MTUS2: variants seen among roughly 807,000 people sequenced by gnomAD.
The protein encoded by MTUS2 is microtubule associated scaffold protein 2.
A neutral mutation model predicts 114.1 loss-of-function variants in MTUS2; 40 were observed. That is an observed-to-expected ratio of 0.35 (90% confidence interval 0.27 to 0.46). The LOEUF (loss-of-function observed/expected upper bound fraction) is 0.46. MTUS2 is among the 20% of genes least tolerant of loss of function. MTUS2 has a pLI of 1.00. For synonymous variants in MTUS2, 688 were observed against 672.0 expected (o/e 1.02, Z -0.37); for missense variants, 1,679 against 1,705.4 (o/e 0.98, Z 0.27).
At chr13:29,140,764 G>C (rs1566028899) in intron 5 of MTUS2, among the ~76,000 whole-genome samples, 2 of 152,166 alleles carry the variant, frequency 1.3e-5, no homozygotes, top group African/African-American at 2.4e-5. Context: ...CGTATTTTCA[G>C]GGAGCTCATC....
chr13:29,170,750 A>G (rs1208828713), intron 5 of MTUS2, among the ~76,000 whole-genome samples: 2 of 152,192 alleles, frequency 1.3e-5, no homozygotes, highest in African/African-American at 2.4e-5. Context: ...GAGAAATGCT[A>G]CCAACTCCAA....
chr13:29,206,157 A>G (rs1446155965), intron 5 of MTUS2, among the ~76,000 whole-genome samples: 1 of 152,140 alleles, frequency 6.6e-6, no homozygotes, highest in African/African-American at 2.4e-5. Context: ...CTTCCTGATG[A>G]TTAGTGATGA....
chr13:29,103,962 T>C (rs1187718204), intron 5 of MTUS2, among the ~76,000 whole-genome samples: 1 of 152,210 alleles, frequency 6.6e-6, no homozygotes, highest in East Asian at 1.9e-4. Context: ...CTACTGAGAC[T>C]CTTCCTTGCT....
chr13:29,010,492 A>G (rs1348729881), intron 2 of MTUS2, among the ~76,000 whole-genome samples: 2 of 151,924 alleles, frequency 1.3e-5, no homozygotes. Flanking sequence ...TTTCCTTGCC[A>G]CTTTCCTAAC....
intron 4 of MTUS2, among the ~76,000 whole-genome samples, chr13:29,091,108 C>T (rs1353898669): frequency 1.3e-5 from 2 of 152,022 alleles, no homozygotes; most frequent in Non-Finnish European, 2.9e-5. Context: ...GGGTCTGTAT[C>T]CTTCCTCTAT....
chr13:28,932,188 A>C (rs1014238555), intron 2 of MTUS2, among the ~76,000 whole-genome samples: 9 of 152,222 alleles, frequency 5.9e-5, no homozygotes, highest in Admixed American at 2.6e-4. Flanking sequence ...GAGAGGCAGC[A>C]CAGAGAGTGG....
intron 2 of MTUS2, among the ~76,000 whole-genome samples, chr13:28,876,628 C>A (rs1253053819): frequency 6.6e-6 from 1 of 152,172 alleles, no homozygotes; most frequent in Non-Finnish European, 1.5e-5. Context: ...CTTTGTGGGT[C>A]TTTGGCCTAG....
At chr13:29,068,398 G>A (rs1188237151) in intron 4 of MTUS2, among the ~76,000 whole-genome samples, 1 of 151,844 alleles carries the variant, frequency 6.6e-6, no homozygotes, top group African/African-American at 2.4e-5. Context: ...CAGAGAGTCA[G>A]CTTCAGTGGC....
At position 29,043,286 on chromosome 13, in the gene MTUS2, A is replaced by G. The variant is rs143531706; in HGVS notation, c.2446+9161A>G. Among the ~76,000 whole-genome samples the G allele has an allele frequency of 2.6e-3, 395 of 152,092 alleles. 1 individual carries two copies. Among genetic ancestry groups the G allele is most frequent in the African/African-American group, 9.1e-3 (377 of 41,514 alleles). ...TTGATTTCCAGTTTTATTCCACTGTAGTTTGAGAGAGTACTTGATATAATT... is the reference window on the plus strand; with the variant it reads ...TTGATTTCCAGTTTTATTCCACTGTGGTTTGAGAGAGTACTTGATATAATT... On this transcript the variant is annotated intron_variant, in intron 4 of 15. Coordinates refer to ENST00000612955, the MANE Select transcript of MTUS2 (RefSeq NM_001033602.4).
intron 6 of MTUS2, among the ~76,000 whole-genome samples, chr13:29,322,129 A>C (rs1300057582): frequency 1.3e-5 from 2 of 152,212 alleles, no homozygotes; most frequent in African/African-American, 2.4e-5. Context: ...TTTTTGATAA[A>C]ATTCAAATTG....
chr13:29,281,680 T>G, intron 5 of MTUS2, 24 bp from the exon 6 acceptor site: 1 of 1,573,956 alleles, frequency 6.4e-7, no homozygotes, highest in Non-Finnish European at 8.6e-7. Context: ...AAGTTATAAT[T>G]AACACGCTGT....
At chr13:29,190,389 C>T (rs1894397788) in intron 5 of MTUS2, among the ~76,000 whole-genome samples, 1 of 152,172 alleles carries the variant, frequency 6.6e-6, no homozygotes, top group South Asian at 2.1e-4. Flanking sequence ...CCTAAGACAC[C>T]TGCCCACATT....
chr13:29,409,321 A>C (rs925409778), intron 8 of MTUS2, among the ~76,000 whole-genome samples: 4 of 152,196 alleles, frequency 2.6e-5, no homozygotes, highest in Admixed American at 2.6e-4. Flanking sequence ...CTCAAAAAAA[A>C]CAAAAAATCA....
chr13:29,467,350 A>G (rs1405009353), intron 9 of MTUS2, among the ~76,000 whole-genome samples: 2 of 152,214 alleles, frequency 1.3e-5, no homozygotes, highest in African/African-American at 2.4e-5. Flanking sequence ...ATTAAAAATC[A>G]TTTTTTAATG....
At chr13:28,868,748 G>C (rs931042647) in intron 2 of MTUS2, among the ~76,000 whole-genome samples, 5 of 152,172 alleles carry the variant, frequency 3.3e-5, no homozygotes, top group Non-Finnish European at 5.9e-5. Context: ...AGAAAAGCAA[G>C]AGAACTATAA....
In MTUS2 at chr13:29,100,821, C is replaced by T. The variant is rs374610688; in HGVS notation, c.2495C>T (p.Pro832Leu). Residue 832 changes from proline (P) to leucine (L), a missense_variant, in exon 5 of 16, where the codon CCG becomes CTG. Around this residue, in one of 3 missense-constraint regions of MTUS2, gnomAD observed 822 missense variants for 899.7 expected, o/e 0.91. Transcript: ENST00000612955. ...TCAAATGCTGCAAAATCCAATCTCC[C>T]GAAATCTGGTCTCCGTCCTCCCGGA... is the stretch of plus-strand genomic sequence containing the variant. ...SSSNAAKSNLPKSGLRPPGYS... is the reference protein window; with the variant it reads ...SSSNAAKSNLLKSGLRPPGYS... The T allele has an allele frequency of 6.0e-5, 93 of 1,551,552 alleles. No individual in the cohort carries two copies. The highest frequency in any genetic ancestry group is 1.8e-4 in the Admixed American group (9 of 50,966).
At chr13:29,291,734 C>G (rs1252020901) in intron 6 of MTUS2, among the ~76,000 whole-genome samples, 1 of 152,142 alleles carries the variant, frequency 6.6e-6, no homozygotes, top group Admixed American at 6.5e-5. Context: ...GAGGGAGAGG[C>G]CTTCATTTTG....
At chr13:29,192,112 T>A (rs1248062746) in intron 5 of MTUS2, among the ~76,000 whole-genome samples, 1 of 152,260 alleles carries the variant, frequency 6.6e-6, no homozygotes, top group Non-Finnish European at 1.5e-5. Context: ...TATTGAGTGG[T>A]AAATCATTCA....
At chr13:29,448,381 T>C (rs971615515) in intron 9 of MTUS2, among the ~76,000 whole-genome samples, 6 of 152,226 alleles carry the variant, frequency 3.9e-5, no homozygotes, top group Admixed American at 3.3e-4. Context: ...TGGTGTGAAA[T>C]TGGCTCTTAA....
Sources: gnomAD v4.1 joint callset for allele counts (sites outside exome capture counted in the v4.1 genomes callset) on GRCh38, gnomAD v4.1.1 for gene constraint, gnomAD v4.1.1 regional missense constraint, MANE v1.5 for transcripts, NCBI Gene and HGNC (gene_info 2026-07-23, HGNC 2026-07-21) for gene names.